Variants in KIAA0825 observed in about 807,000 individuals in gnomAD.
The protein encoded by KIAA0825 is KIAA0825, also known as uncharacterized protein KIAA0825.
In KIAA0825, 119 loss-of-function variants were observed where a neutral mutation model predicts 147.6. That is an observed-to-expected ratio of 0.81 (90% CI 0.69 to 0.94). The LOEUF (loss-of-function observed/expected upper bound fraction) is 0.94, where lower values mean the gene tolerates loss of function less well. Ranked by LOEUF, KIAA0825 falls within the 40% of genes least tolerant of loss-of-function variation. The pLI is 0.00. For missense variants in KIAA0825, 1,381 were observed against 1,472.7 expected (o/e 0.94, Z 1.02); for synonymous variants, 470 against 518.1 (o/e 0.91, Z 1.26).
chr5:94,594,351 C>A, intron 1 of KIAA0825: 2 of 737,216 alleles, frequency 2.7e-6, no homozygotes, highest in Non-Finnish European at 5.0e-6. Flanking sequence ...GAATGTAGCA[C>A]AACAGCAGAT....
intron 1 of KIAA0825, among the ~76,000 whole-genome samples, chr5:94,616,353 A>G (rs553168359): frequency 1.4e-4 from 22 of 152,318 alleles, no homozygotes; most frequent in African/African-American, 5.3e-4. Flanking sequence ...TTCTCTATAT[A>G]GAATTGGGTA....
At chr5:94,613,347 C>G (rs747481420) in intron 1 of KIAA0825, among the ~76,000 whole-genome samples, 1 of 152,044 alleles carries the variant, frequency 6.6e-6, no homozygotes, top group South Asian at 2.1e-4. Context: ...CATGTGCCCA[C>G]GACCACACCC....
intron 20 of KIAA0825, among the ~76,000 whole-genome samples, chr5:94,314,478 A>T (rs919650433): frequency 6.6e-5 from 10 of 151,734 alleles, no homozygotes; most frequent in African/African-American, 2.2e-4. Context: ...AGACATAAAT[A>T]ATAAAACAAA....
chr5:94,534,573 T>C (rs1397763826), intron 3 of KIAA0825, among the ~76,000 whole-genome samples: 1 of 152,186 alleles, frequency 6.6e-6, no homozygotes, highest in Non-Finnish European at 1.5e-5. Flanking sequence ...ATTTAAAAAT[T>C]ATATCCTATG....
chr5:94,226,933 T>G (rs1246827307), intron 20 of KIAA0825, among the ~76,000 whole-genome samples: 1 of 152,158 alleles, frequency 6.6e-6, no homozygotes, highest in Non-Finnish European at 1.5e-5. Context: ...ATAGGAACAC[T>G]TTTACATTGT....
intron 10 of KIAA0825, among the ~76,000 whole-genome samples, chr5:94,468,561 A>G (rs1760831221): frequency 6.6e-6 from 1 of 152,184 alleles, no homozygotes; most frequent in East Asian, 1.9e-4. Flanking sequence ...TCAGGTTTGG[A>G]AAACTCTATA....
intron 1 of KIAA0825, among the ~76,000 whole-genome samples, chr5:94,607,821 A>C (rs1456084599): frequency 6.6e-6 from 1 of 152,102 alleles, no homozygotes; most frequent in East Asian, 1.9e-4. Context: ...GGGATAAATC[A>C]TTGTTTCTTT....
chr5:94,298,028 T>C (rs1312680144), intron 20 of KIAA0825, among the ~76,000 whole-genome samples: 1 of 148,396 alleles, frequency 6.7e-6, no homozygotes, highest in Non-Finnish European at 1.5e-5. Context: ...GGACAGATCA[T>C]GAGGTCAGGA....
intron 20 of KIAA0825, among the ~76,000 whole-genome samples, chr5:94,162,691 C>CA (rs528827036): frequency 6.6e-6 from 1 of 152,092 alleles, no homozygotes; most frequent in African/African-American, 2.4e-5. Flanking sequence ...TTCTCCCAAA[C>CA]AAAAAAACAA....
chr5:94,520,817 C>G lies in KIAA0825; in HGVS notation c.401G>C (p.Ser134Thr), dbSNP rs1768037093. ...AGAGAGGAAATGGAAAGATGTTCCA[C>G]TTAGGGTTGATGGGAATGAAACGCT... is the stretch of plus-strand genomic sequence containing the variant. ...HSSVSFPSTLSGTSFHFLSRT... is the reference protein window; with the variant it reads ...HSSVSFPSTLTGTSFHFLSRT... The change falls in exon 5 of 21, where the codon AGT becomes ACT. Residue 134 changes from serine to threonine, a missense_variant. Physicochemically the swap from Ser to Thr is moderately conservative, Grantham distance 58. Coordinates refer to ENST00000682413, the MANE Select transcript of KIAA0825 (RefSeq NM_001145678.3). 6.2e-7 allele frequency: 1 copy of G among 1,613,060 alleles called. No homozygotes were observed. Among genetic ancestry groups the G allele is most frequent in the South Asian group, 1.1e-5 (1 of 91,064 alleles).
chr5:94,467,971 CAAAA>C (rs907226129), intron 10 of KIAA0825, among the ~76,000 whole-genome samples: 11 of 152,010 alleles, frequency 7.2e-5, no homozygotes, highest in African/African-American at 2.4e-4. Flanking sequence ...TTTTGATACA[CAAAA>C]AAAGTATCAC....
At chr5:94,505,831 G>A (rs1357551016) in intron 5 of KIAA0825, among the ~76,000 whole-genome samples, 1 of 152,140 alleles carries the variant, frequency 6.6e-6, no homozygotes, top group Non-Finnish European at 1.5e-5. Context: ...CTGCTATAAT[G>A]TTGAGTCATT....
chr5:94,504,713 C>T (rs1165734069), intron 5 of KIAA0825, among the ~76,000 whole-genome samples: 11 of 148,742 alleles, frequency 7.4e-5, no homozygotes, highest in African/African-American at 2.7e-4. Context: ...TCAAAGTTAA[C>T]ATTTAGAATT....
At chr5:94,581,248 T>C (rs12518034) in intron 2 of KIAA0825, among the ~76,000 whole-genome samples, 35,335 of 152,100 alleles carry the variant, frequency 0.23, 4,435 homozygotes, top group Non-Finnish European at 0.27. Context: ...ACCAACGTCA[T>C]GTCTTGTTAT....
At chr5:94,261,487 T>C (rs1776490922) in intron 20 of KIAA0825, among the ~76,000 whole-genome samples, 1 of 152,106 alleles carries the variant, frequency 6.6e-6, no homozygotes, top group Non-Finnish European at 1.5e-5. Context: ...AACACCCAGT[T>C]GCATTGAGAA....
chr5:94,375,657 T>C (rs1026841823), intron 20 of KIAA0825, among the ~76,000 whole-genome samples: 9 of 152,118 alleles, frequency 5.9e-5, no homozygotes, highest in Admixed American at 6.5e-5. Context: ...TAAAACAAAA[T>C]TGAGGTTTAG....
chr5:94,450,765 C>T (rs1377801373), intron 13 of KIAA0825, among the ~76,000 whole-genome samples: 4 of 152,126 alleles, frequency 2.6e-5, no homozygotes, highest in South Asian at 2.1e-4. Context: ...CATACTAGCA[C>T]GTCAGAATCC....
rs912911907 is a variant in KIAA0825 at position 94,318,432 on chromosome 5, G to T, written c.3710+65936C>A. 9.2e-5 allele frequency among the ~76,000 whole-genome samples: 14 copies of T among 151,792 alleles called. 1 individual carries two copies. The highest frequency in any genetic ancestry group is 3.4e-4 in the African/African-American group (14 of 41,372). On this transcript the variant is annotated intron_variant, in intron 20 of 20. Transcript: ENST00000682413. ...TTTCTCATACAAATAATATTAATAC[G>T]ATGAAGTAGGATAAGGCTACTTTAG...
At chr5:94,462,151 T>C (rs899064752) in intron 12 of KIAA0825, among the ~76,000 whole-genome samples, 27 of 151,932 alleles carry the variant, frequency 1.8e-4, no homozygotes, top group African/African-American at 6.5e-4. Context: ...CTTTATCAGC[T>C]GAATGGGATT....
Sources: allele counts gnomAD v4.1 joint callset (sites outside exome capture counted in the v4.1 genomes callset), GRCh38; gene constraint gnomAD v4.1.1; transcripts MANE v1.5; gene names NCBI Gene and HGNC (gene_info 2026-07-23, HGNC 2026-07-21).